The following KHDRBS2 variants were observed in gnomAD, a reference collection of about 807,000 sequenced individuals.
KHDRBS2 encodes KH RNA binding domain containing, signal transduction associated 2, also known as KH domain-containing, RNA-binding, signal transduction-associated protein 2.
Under a neutral mutation model 44.3 loss-of-function variants are expected in KHDRBS2, and 26 were observed. The ratio of observed to expected loss-of-function variants is 0.59; its 90% CI spans 0.43 to 0.81. The LOEUF is 0.81. KHDRBS2 is among the 40% of genes least tolerant of loss of function. The pLI is 0.00. For synonymous variants in KHDRBS2, 194 were observed against 151.1 expected (o/e 1.28, Z -2.08); for missense variants, 476 against 433.1 (o/e 1.10, Z -0.88).
chr6:62,084,446 G>A (rs1798031069), intron 2 of KHDRBS2, among the ~76,000 whole-genome samples: 1 of 152,122 alleles, frequency 6.6e-6, no homozygotes. Context: ...GAAAAAATCA[G>A]TAAAGAAAAA....
At chr6:61,573,562 G>T in the KHDRBS2 span, among the ~76,000 whole-genome samples, 1 of 152,196 alleles carries the variant, frequency 6.6e-6, no homozygotes, top group Non-Finnish European at 1.5e-5. Flanking sequence ...GGCCAAGGCA[G>T]GCGGATCACC....
chr6:61,586,709 A>G, the KHDRBS2 span, among the ~76,000 whole-genome samples: 1 of 152,102 alleles, frequency 6.6e-6, no homozygotes, highest in Admixed American at 6.6e-5. Flanking sequence ...GTTCCCAGTC[A>G]CTTGAAAGAA....
chr6:61,919,204 G>A (rs1413563202), intron 4 of KHDRBS2, among the ~76,000 whole-genome samples: 1 of 151,878 alleles, frequency 6.6e-6, no homozygotes, highest in Non-Finnish European at 1.5e-5. Context: ...AGGATTAGAT[G>A]AATAGATATG....
At chr6:62,100,781 G>A (rs531443897) in intron 2 of KHDRBS2, among the ~76,000 whole-genome samples, 1 of 152,034 alleles carries the variant, frequency 6.6e-6, no homozygotes, top group Non-Finnish European at 1.5e-5. Context: ...ACTTTTATAT[G>A]CACTGGGAAA....
At chr6:61,553,132 G>T in the KHDRBS2 span, among the ~76,000 whole-genome samples, 6 of 152,066 alleles carry the variant, frequency 3.9e-5, no homozygotes, top group Non-Finnish European at 8.8e-5. Context: ...ATCTGGTTCT[G>T]GGCTTTTTTG....
At chr6:61,848,590 T>TATATATATAC (rs1794990739) in intron 6 of KHDRBS2, among the ~76,000 whole-genome samples, 1 of 119,152 alleles carries the variant, frequency 8.4e-6, no homozygotes, top group African/African-American at 3.1e-5. Flanking sequence ...TATATATATA[T>TATATATATAC]ATACTTTTTT....
chr6:62,079,098 C>A (rs1199291017), intron 2 of KHDRBS2, among the ~76,000 whole-genome samples: 1 of 151,910 alleles, frequency 6.6e-6, no homozygotes, highest in Non-Finnish European at 1.5e-5. Context: ...GAACTAAGCA[C>A]AAACAATAAT....
chr6:62,014,801 G>A (rs536568697), intron 3 of KHDRBS2, among the ~76,000 whole-genome samples: 128 of 152,108 alleles, frequency 8.4e-4, no homozygotes, highest in African/African-American at 3.0e-3. Flanking sequence ...TCATGGGAAT[G>A]TTACTATTTT....
At chr6:62,116,066 G>T (rs1518912) in intron 2 of KHDRBS2, among the ~76,000 whole-genome samples, 3 of 151,622 alleles carry the variant, frequency 2.0e-5, no homozygotes, top group Non-Finnish European at 4.4e-5. Context: ...CATCAAAATA[G>T]GAAAAGAAAA....
the KHDRBS2 span, among the ~76,000 whole-genome samples, chr6:61,633,506 C>A: frequency 3.3e-5 from 5 of 151,982 alleles, no homozygotes; most frequent in African/African-American, 1.2e-4. Context: ...CATTAAAATA[C>A]AAAATCTGCA....
chr6:62,229,478 C>T (rs1832530760), intron 1 of KHDRBS2, among the ~76,000 whole-genome samples: 1 of 152,134 alleles, frequency 6.6e-6, no homozygotes, highest in African/African-American at 2.4e-5. Flanking sequence ...TGCCCCTCCC[C>T]CAAGTAGCTC....
intron 5 of KHDRBS2, among the ~76,000 whole-genome samples, chr6:61,895,503 T>G (rs928948227): frequency 6.6e-6 from 1 of 152,304 alleles, no homozygotes; most frequent in East Asian, 1.9e-4. Context: ...TTCTTAACCA[T>G]AACTATGGTG....
At chr6:61,750,910 TAAG>T (rs1777587445) in intron 6 of KHDRBS2, among the ~76,000 whole-genome samples, 1 of 152,086 alleles carries the variant, frequency 6.6e-6, no homozygotes, top group African/African-American at 2.4e-5. Flanking sequence ...ATATCTCTAT[TAAG>T]AATAAGGTAA....
chr6:61,612,243 G>C, the KHDRBS2 span, among the ~76,000 whole-genome samples: 1 of 151,996 alleles, frequency 6.6e-6, no homozygotes, highest in Non-Finnish European at 1.5e-5. Context: ...ACTTTTTCTA[G>C]ATCCTCAGAA....
the KHDRBS2 span, among the ~76,000 whole-genome samples, chr6:61,655,562 G>T: frequency 6.6e-5 from 10 of 151,954 alleles, no homozygotes. Context: ...GCCTAAATAC[G>T]TATTTTTAAG....
chr6:62,008,664 C>T (rs761921982), intron 3 of KHDRBS2, among the ~76,000 whole-genome samples: 2 of 152,088 alleles, frequency 1.3e-5, no homozygotes, highest in Non-Finnish European at 2.9e-5. Flanking sequence ...GTGGGAGGAA[C>T]CCCATGGGAG....
chr6:62,023,334 C>T (rs1782679858), intron 3 of KHDRBS2, among the ~76,000 whole-genome samples: 1 of 151,602 alleles, frequency 6.6e-6, no homozygotes, highest in South Asian at 2.1e-4. Flanking sequence ...AGATGCTGGG[C>T]ACTTACAGTA....
chr6:62,207,782 AATTAT>A (rs1474070773), intron 1 of KHDRBS2, among the ~76,000 whole-genome samples: 1 of 152,124 alleles, frequency 6.6e-6, no homozygotes, highest in Non-Finnish European at 1.5e-5. Flanking sequence ...TTTAAAAAAT[AATTAT>A]ATTATCTATA....
chr6:62,088,783 C>A (rs778631922), intron 2 of KHDRBS2, among the ~76,000 whole-genome samples: 1 of 152,148 alleles, frequency 6.6e-6, no homozygotes, highest in Non-Finnish European at 1.5e-5. Context: ...TCAGAGCCGG[C>A]AGGCAGAAAT....
Sources: gnomAD v4.1 joint callset for allele counts (sites outside exome capture counted in the v4.1 genomes callset) on GRCh38, gnomAD v4.1.1 for gene constraint, MANE v1.5 for transcripts, NCBI Gene and HGNC (gene_info 2026-07-23, HGNC 2026-07-21) for gene names.